The following CACNB1 variants were observed in gnomAD, a reference collection of about 807,000 sequenced individuals.
The protein encoded by CACNB1 is voltage-dependent L-type calcium channel subunit beta-1.
In CACNB1, 29 loss-of-function variants were observed where a neutral mutation model predicts 71.6. The observed-to-expected ratio is 0.40, with a 90% CI of 0.30 to 0.55. The LOEUF (loss-of-function observed/expected upper bound fraction) is 0.55, where lower values mean the gene tolerates loss of function less well. Among genes scored for constraint, CACNB1 ranks in the 20% least tolerant of loss-of-function variants. CACNB1 has a pLI of 0.38. For missense variants in CACNB1, 623 were observed against 801.8 expected, an observed-to-expected ratio of 0.78 and a Z score of 2.69; for synonymous variants, 300 against 319.6, an observed-to-expected ratio of 0.94 and a Z score of 0.65.
intron 8 of CACNB1, 93 bp downstream of exon 8, chr17:39,184,691 T>A: frequency 1.1e-6 from 1 of 908,326 alleles, no homozygotes. Context: ...CCTGGGAGGA[T>A]GCCTTGGGAT....
rs2045954352 is a variant in CACNB1 at position 39,186,863 on chromosome 17, T to C, written c.481A>G (p.Ser161Gly). The C allele has an allele frequency of 6.2e-7, 1 of 1,613,962 alleles. No homozygotes were observed. The highest frequency in any genetic ancestry group is 8.5e-7 in the Non-Finnish European group (1 of 1,180,000). Residue 161 changes from serine (S) to glycine (G), a missense_variant, in exon 5 of 14, where the codon AGC becomes GGC. By Grantham distance (56) the Ser-to-Gly change is moderately conservative (BLOSUM62 0). Transcript: ENST00000394303. The surrounding 1 kb of genome is among the most constrained non-coding windows in gnomAD (Gnocchi z 4.1). ...KEGCEVGFIP[S>G]PVKLDSLRLL... is the part of the protein sequence containing the mutation. ...CGAAGGCTGTCCAGTTTGACGGGGCTGGGAATGAAGCCAACCTCACAGCCC... is the reference window on the plus strand; with the variant it reads ...CGAAGGCTGTCCAGTTTGACGGGGCCGGGAATGAAGCCAACCTCACAGCCC...
chr17:39,196,261 C>A (rs1446012455), intron 1 of CACNB1, among the ~76,000 whole-genome samples: 1 of 152,136 alleles, frequency 6.6e-6, no homozygotes, highest in East Asian at 1.9e-4. Context: ...TCAAACCAGA[C>A]ATATACCCCA....
intron 3 of CACNB1, 143 bp from the exon 4 acceptor site, chr17:39,187,744 T>G: frequency 2.0e-6 from 2 of 989,508 alleles, no homozygotes; most frequent in Non-Finnish European, 3.0e-6. Flanking sequence ...CAGGGTGTGG[T>G]GGCTCACACC....
intron 12 of CACNB1, 71 bp downstream of exon 12, chr17:39,177,913 G>T: frequency 1.6e-6 from 2 of 1,235,320 alleles, no homozygotes; most frequent in Non-Finnish European, 2.4e-6. Flanking sequence ...TGTCTCTCAT[G>T]TAGGCCAGAG....
chr17:39,189,533 T>C (rs1198105762), intron 3 of CACNB1, among the ~76,000 whole-genome samples: 2 of 151,684 alleles, frequency 1.3e-5, no homozygotes, highest in African/African-American at 4.8e-5. Flanking sequence ...AGTTTCGCTC[T>C]TGTTGCCCAT....
intron 11 of CACNB1, 74 bp downstream of exon 11, chr17:39,183,639 T>C (rs1488634930): frequency 5.0e-6 from 6 of 1,194,616 alleles, no homozygotes; most frequent in East Asian, 2.6e-5. Context: ...TAGTAAGCAG[T>C]GGAGCTGGGA....
In CACNB1 at chr17:39,194,584, G is replaced by T. The variant is rs533247513; in HGVS notation, c.171+300C>A. On this transcript the variant is annotated intron_variant, in intron 2 of 13. Coordinates refer to ENST00000394303, the MANE Select transcript of CACNB1 (RefSeq NM_000723.5). This position sits in a 1 kb window ranked among gnomAD's most constrained non-coding sequence, Gnocchi z 4.6. ...CGGCAGGGGGAGTGGGTGACAGCCC[G>T]AAGCAAGCTGGAGGGAGGCAGGCCA... 6.6e-6 allele frequency among the ~76,000 whole-genome samples: 1 copy of T among 151,990 alleles called. No individual in the cohort carries two copies. Among genetic ancestry groups the T allele is most frequent in the Non-Finnish European group, 1.5e-5 (1 of 67,990 alleles).
intron 11 of CACNB1, among the ~76,000 whole-genome samples, chr17:39,180,137 C>A (rs912477910): frequency 6.6e-6 from 1 of 151,260 alleles, no homozygotes. Context: ...TGGTGGCAGG[C>A]GCCTGTAATC....
At chr17:39,180,027 CA>C (rs1246441121) in intron 11 of CACNB1, among the ~76,000 whole-genome samples, 2 of 152,000 alleles carry the variant, frequency 1.3e-5, no homozygotes, top group Non-Finnish European at 1.5e-5. Context: ...CTTTGGGAGG[CA>C]GGGGTGGTGG....
At chr17:39,190,553 G>A (rs1010510295) in intron 3 of CACNB1, among the ~76,000 whole-genome samples, 5 of 151,798 alleles carry the variant, frequency 3.3e-5, no homozygotes, top group East Asian at 2.0e-4. Context: ...TCAGCCTCCC[G>A]AGTAATTGGG....
intron 11 of CACNB1, chr17:39,182,745 A>AAATAAATC (rs1555581445): frequency 2.8e-5 from 4 of 141,960 alleles, no homozygotes; most frequent in Admixed American, 7.0e-5. Flanking sequence ...ATAAATAAAT[A>AAATAAATC]AATCAGAGAG....
Position 39,184,336 on chromosome 17 carries a change from C to A in CACNB1, c.777G>T (p.Arg259=). ...QKALFDFLKH[R]FDGRISITRV... Reference sequence around the variant, plus strand: ...TCCCAGGATCTTACCTGCCATCAAACCGATGCTTCAAGAAGTCAAATAAAG... The same window carrying A: ...TCCCAGGATCTTACCTGCCATCAAAACGATGCTTCAAGAAGTCAAATAAAG... Residue 259 remains arginine (R), a synonymous_variant, in exon 9 of 14, where the codon CGG becomes CGT. Coordinates refer to ENST00000394303, the MANE Select transcript of CACNB1 (RefSeq NM_000723.5). 6.4e-7 allele frequency: 1 copy of A among 1,551,282 alleles called. No individual in the cohort carries two copies. Among genetic ancestry groups the A allele is most frequent in the Middle Eastern group, 2.0e-4 (1 of 4,950 alleles).
At chr17:39,187,242 A>T (rs528266647) in intron 4 of CACNB1, 9 of 610,300 alleles carry the variant, frequency 1.5e-5, no homozygotes, top group Non-Finnish European at 2.6e-5. Context: ...TGTCCCTGGC[A>T]CACCGCCATG....
chr17:39,184,717 G>A (rs73304972), intron 8 of CACNB1, 67 bp downstream of exon 8: 1 of 1,131,828 alleles, frequency 8.8e-7, no homozygotes, highest in Admixed American at 1.7e-5. Flanking sequence ...CCTTCTAGGG[G>A]ATCTCTCTGG....
Position 39,173,790 on chromosome 17 carries a change from G to A in CACNB1, c.*1403C>T, listed in dbSNP as rs1432988609. The A allele has an allele frequency of 6.6e-6, 1 of 152,492 alleles. No homozygotes were observed. The highest frequency in any genetic ancestry group is 2.4e-5 in the African/African-American group (1 of 41,408). The allele number at this position is 152,492 out of a possible 1,614,324, so 9.4% of individuals were successfully genotyped here. On this transcript the variant is annotated 3_prime_UTR_variant, in exon 14 of 14. Coordinates refer to ENST00000394303, the MANE Select transcript of CACNB1 (RefSeq NM_000723.5). ...TGGCGAGGACAAAGAAGCAGGCTTG[G>A]GAGGCAGCCACAAAGGACAGGACAG...
intron 1 of CACNB1, among the ~76,000 whole-genome samples, chr17:39,196,001 C>G (rs1473547559): frequency 2.0e-5 from 3 of 152,178 alleles, no homozygotes; most frequent in Non-Finnish European, 4.4e-5. Flanking sequence ...GCTTCTGGCC[C>G]TCCCCAGCTT....
intron 9 of CACNB1, 24 bp downstream of exon 9, chr17:39,184,301 G>A (rs752431863): frequency 1.3e-5 from 19 of 1,499,862 alleles, no homozygotes; most frequent in Middle Eastern, 3.9e-4. Context: ...CGGCAGGTGC[G>A]AGGAGCAGCT....
chr17:39,185,176 G>A (rs1439131979), intron 6 of CACNB1, 26 bp from the exon 7 acceptor site: 2 of 1,607,924 alleles, frequency 1.2e-6, no homozygotes, highest in African/African-American at 1.3e-5. Context: ...GCCAAGAGAG[G>A]GAAGGGGGAG....
At chr17:39,189,988 G>A (rs886608783) in intron 3 of CACNB1, among the ~76,000 whole-genome samples, 2 of 151,754 alleles carry the variant, frequency 1.3e-5, no homozygotes, top group South Asian at 2.1e-4. Context: ...GGTGGCGGGC[G>A]CCTATAATCC....
Sources: allele counts gnomAD v4.1 joint callset (sites outside exome capture counted in the v4.1 genomes callset), GRCh38; gene constraint gnomAD v4.1.1; non-coding constraint Gnocchi (gnomAD v3.1); transcripts MANE v1.5; gene names NCBI Gene and HGNC (gene_info 2026-07-23, HGNC 2026-07-21).